Variants in TEX11 observed in about 807,000 individuals in gnomAD.
TEX11 encodes the protein testis expressed 11.
A neutral mutation model predicts 84.4 loss-of-function variants in TEX11; 7 were observed. The ratio of observed to expected loss-of-function variants is 0.08; its 90% CI spans 0.05 to 0.16. The LOEUF is 0.16. Ranked by LOEUF, TEX11 falls within the 10% of genes least tolerant of loss-of-function variation. The probability of loss-of-function intolerance (pLI) is 1.00; values close to 1 mark genes in which losing one functional copy is unlikely to be tolerated. For missense variants in TEX11, 551 were observed against 660.5 expected, an observed-to-expected ratio of 0.83 and a Z score of 1.82; for synonymous variants, 264 against 222.8, an observed-to-expected ratio of 1.18 and a Z score of -1.64.
intron 13 of TEX11, among the ~76,000 whole-genome samples, chrX:70,710,962 C>T (rs1204828776): frequency 1.8e-5 from 2 of 108,157 alleles, no homozygotes; most frequent in African/African-American, 3.4e-5. Context: ...CAACAGGCCC[C>T]AGTGTGTGAT....
intron 20 of TEX11, among the ~76,000 whole-genome samples, chrX:70,614,834 AAGAGCG>A (rs1031756897): frequency 1.8e-5 from 2 of 110,719 alleles, no homozygotes; most frequent in African/African-American, 6.6e-5. Flanking sequence ...GAGACAGAGA[AAGAGCG>A]AGAGAGAGAG....
intron 25 of TEX11, among the ~76,000 whole-genome samples, chrX:70,588,230 G>A (rs1354125863): frequency 9.0e-6 from 1 of 111,721 alleles, no homozygotes; most frequent in Non-Finnish European, 1.9e-5. Flanking sequence ...AAATGTGAAA[G>A]GCACATGAGA....
chrX:70,811,963 C>T (rs2091257850), intron 8 of TEX11, among the ~76,000 whole-genome samples: 1 of 111,565 alleles, frequency 9.0e-6, no homozygotes, highest in East Asian at 2.8e-4. Flanking sequence ...AAATTTTCTC[C>T]CATTCTGTAC....
chrX:70,654,818 C>T (rs1313627709), intron 16 of TEX11, among the ~76,000 whole-genome samples: 1 of 107,610 alleles, frequency 9.3e-6, no homozygotes, highest in Non-Finnish European at 1.9e-5. Flanking sequence ...ACACGAAATG[C>T]CCTAGTTAAA....
At chrX:70,682,380 A>C (rs375945247) in intron 14 of TEX11, among the ~76,000 whole-genome samples, 1 of 111,735 alleles carries the variant, frequency 8.9e-6, no homozygotes, top group East Asian at 2.8e-4. Context: ...AGATCAAACT[A>C]GAGATATTAA....
intron 25 of TEX11, among the ~76,000 whole-genome samples, chrX:70,564,419 A>G (rs914102952): frequency 9.1e-6 from 1 of 110,390 alleles, no homozygotes; most frequent in East Asian, 2.8e-4. Flanking sequence ...TTATTATTAT[A>G]ATACTTTAAG....
chrX:70,695,438 T>G (rs982706415), intron 13 of TEX11, among the ~76,000 whole-genome samples: 2 of 112,199 alleles, frequency 1.8e-5, no homozygotes, highest in African/African-American at 6.5e-5. Context: ...TATAGTGACA[T>G]TCAGTGATCA....
At chrX:70,730,642 G>C (rs184348593) in intron 11 of TEX11, among the ~76,000 whole-genome samples, 7 of 111,817 alleles carry the variant, frequency 6.3e-5, no homozygotes, top group African/African-American at 2.3e-4. Context: ...GAAGCACCCA[G>C]ATTCATAAAG....
intron 24 of TEX11, among the ~76,000 whole-genome samples, chrX:70,599,969 T>G (rs912162434): frequency 3.6e-5 from 4 of 110,369 alleles, no homozygotes; most frequent in Non-Finnish European, 5.7e-5. Flanking sequence ...GAATAATGCC[T>G]CAATAAACAT....
At chrX:70,647,899 C>T (rs1408446769) in intron 17 of TEX11, among the ~76,000 whole-genome samples, 1 of 111,044 alleles carries the variant, frequency 9.0e-6, no homozygotes, top group Non-Finnish European at 1.9e-5. Flanking sequence ...TTGACCCAGC[C>T]ATCCCATTAC....
At chrX:70,719,891 G>A (rs2147715803) in intron 13 of TEX11, among the ~76,000 whole-genome samples, 1 of 111,094 alleles carries the variant, frequency 9.0e-6, no homozygotes, top group Non-Finnish European at 1.9e-5. Flanking sequence ...AGAGGATGTG[G>A]AGAAATAGGA....
intron 25 of TEX11, 116 bp downstream of exon 25, chrX:70,591,634 AC>A (rs751752952): frequency 5.5e-5 from 27 of 486,783 alleles, no homozygotes; most frequent in Non-Finnish European, 8.8e-5. Context: ...GAAAAAAAAA[AC>A]ATTTGACTGG....
At chrX:70,696,613 T>A (rs1050078994) in intron 13 of TEX11, among the ~76,000 whole-genome samples, 2 of 109,125 alleles carry the variant, frequency 1.8e-5, no homozygotes, top group East Asian at 2.9e-4. Context: ...ACAAAAAAAA[T>A]TAAAAAATAG....
intron 25 of TEX11, among the ~76,000 whole-genome samples, chrX:70,589,240 C>T (rs1045918043): frequency 9.5e-6 from 1 of 104,997 alleles, no homozygotes; most frequent in Non-Finnish European, 1.9e-5. Flanking sequence ...TATTAGTCAC[C>T]TTAATTAACT....
At chrX:70,673,389 C>G (rs1479578886) in intron 15 of TEX11, 1 of 111,613 alleles carries the variant, frequency 9.0e-6, no homozygotes, top group Non-Finnish European at 1.9e-5. Context: ...TCTCAAAGCA[C>G]TGGGATTACA....
chrX:70,638,160 C>A (rs1266553120), intron 17 of TEX11, among the ~76,000 whole-genome samples: 2 of 110,822 alleles, frequency 1.8e-5, no homozygotes, highest in Admixed American at 1.9e-4. Flanking sequence ...CAATAAGATA[C>A]AATCCAAACA....
intron 9 of TEX11, among the ~76,000 whole-genome samples, chrX:70,770,086 C>T (rs1050536289): frequency 5.4e-5 from 6 of 111,166 alleles, no homozygotes; most frequent in African/African-American, 2.0e-4. Flanking sequence ...AAATTTTCTG[C>T]CAGCTCTGAG....
At chrX:70,906,514 A>G (rs766727547) in intron 2 of TEX11, among the ~76,000 whole-genome samples, 53 of 111,337 alleles carry the variant, frequency 4.8e-4, no homozygotes, top group Non-Finnish European at 8.5e-4. Context: ...TTGGCCTGGC[A>G]TGGTGGCTCA....
At chrX:70,614,096 T>C (rs2089292431) in intron 20 of TEX11, among the ~76,000 whole-genome samples, 1 of 111,373 alleles carries the variant, frequency 9.0e-6, no homozygotes, top group Non-Finnish European at 1.9e-5. Context: ...TGGCTTCAGG[T>C]GAGATCCACC....
Sources: gnomAD v4.1 joint callset for allele counts (sites outside exome capture counted in the v4.1 genomes callset) on GRCh38, gnomAD v4.1.1 for gene constraint, MANE v1.5 for transcripts, NCBI Gene and HGNC (gene_info 2026-07-23, HGNC 2026-07-21) for gene names.